Variants in LRP1B observed in about 807,000 individuals in gnomAD.
LRP1B encodes LDL receptor related protein 1B, also known as low-density lipoprotein receptor-related protein 1B.
LRP1B carries 217 observed loss-of-function variants against 556.6 expected under a neutral mutation model. That is an observed-to-expected ratio of 0.39 (90% CI 0.35 to 0.44). The LOEUF is 0.44. Among genes scored for constraint, LRP1B ranks in the 20% least tolerant of loss-of-function variants. LRP1B has a pLI of 1.00. For synonymous variants in LRP1B, 2,047 were observed against 1,865.8 expected (o/e 1.10, Z -2.50); for missense variants, 5,053 against 5,620.8 (o/e 0.90, Z 3.23).
chr2:140,435,500 A>T (rs144620908), intron 66 of LRP1B, among the ~76,000 whole-genome samples: 227 of 152,238 alleles, frequency 1.5e-3, no homozygotes, highest in East Asian at 7.7e-4. Flanking sequence ...TTCTTTTCAA[A>T]CTCAATTATA....
At chr2:140,767,859 G>A (rs976095712) in intron 35 of LRP1B, among the ~76,000 whole-genome samples, 2 of 151,762 alleles carry the variant, frequency 1.3e-5, no homozygotes, top group Admixed American at 1.3e-4. Context: ...ATACATGCAT[G>A]TACTGTATAC....
At chr2:141,657,557 C>T (rs77938862) in intron 2 of LRP1B, among the ~76,000 whole-genome samples, 33,238 of 151,980 alleles carry the variant, frequency 0.22, 4,563 homozygotes, top group East Asian at 0.53. Flanking sequence ...AAGTGAAAGC[C>T]TGTCATCATT....
At chr2:140,749,326 C>G (rs915982252) in intron 35 of LRP1B, among the ~76,000 whole-genome samples, 3 of 151,920 alleles carry the variant, frequency 2.0e-5, no homozygotes. Flanking sequence ...TCTTCAATAA[C>G]AAATTAACCT....
chr2:142,049,301 A>G (rs970810732), intron 1 of LRP1B, among the ~76,000 whole-genome samples: 2 of 152,120 alleles, frequency 1.3e-5, no homozygotes, highest in African/African-American at 4.8e-5. Context: ...AAAAGCACAC[A>G]TCATATTTGT....
chr2:140,561,194 C>T (rs1291541175), intron 43 of LRP1B, among the ~76,000 whole-genome samples: 1 of 152,162 alleles, frequency 6.6e-6, no homozygotes, highest in Non-Finnish European at 1.5e-5. Flanking sequence ...ACTTTTCCCA[C>T]CTCTCTGTCT....
chr2:141,090,900 G>A (rs1700155832), intron 7 of LRP1B, among the ~76,000 whole-genome samples: 1 of 152,022 alleles, frequency 6.6e-6, no homozygotes, highest in Non-Finnish European at 1.5e-5. Context: ...AGATTTGACT[G>A]CAAATATCAA....
intron 60 of LRP1B, among the ~76,000 whole-genome samples, 200 bp from the exon 61 acceptor site, chr2:140,457,851 T>C (rs1428937906): frequency 6.6e-6 from 1 of 152,096 alleles, no homozygotes; most frequent in Non-Finnish European, 1.5e-5. Context: ...TTTGCTCAGA[T>C]TTAGCTTGGT....
intron 17 of LRP1B, among the ~76,000 whole-genome samples, chr2:140,984,615 A>C (rs1696864532): frequency 1.3e-5 from 2 of 152,110 alleles, no homozygotes. Context: ...AAGAACTTCT[A>C]TGAACCTGTC....
At chr2:141,956,002 G>A (rs888713151) in intron 1 of LRP1B, among the ~76,000 whole-genome samples, 10 of 151,866 alleles carry the variant, frequency 6.6e-5, no homozygotes, top group Non-Finnish European at 2.9e-5. Context: ...CCAGGAGTTT[G>A]AGAGCAACCT....
At position 141,579,660 on chromosome 2, in the gene LRP1B, C is replaced by T. The variant is rs1686889476; in HGVS notation, c.206-99127G>A. Among the ~76,000 whole-genome samples the T allele has an allele frequency of 2.7e-5, 4 of 148,512 alleles. No individual in the cohort carries two copies. The South Asian group carries it at 6.4e-4, about 24-fold the overall frequency. ...GGTGTTGAATTTAGTCATTTTCTTT[C>T]TCTATAAATTGTTCTTTGCTTAAGT... On this transcript the variant is annotated intron_variant, in intron 2 of 90. Transcript: ENST00000389484.
chr2:141,960,213 T>C (rs182480029), intron 1 of LRP1B, among the ~76,000 whole-genome samples: 159 of 151,812 alleles, frequency 1.0e-3, no homozygotes, highest in African/African-American at 3.7e-3. Flanking sequence ...GATGAAGACA[T>C]TGGGATCCAA....
At chr2:141,615,975 C>G (rs1688282252) in intron 2 of LRP1B, among the ~76,000 whole-genome samples, 2 of 152,014 alleles carry the variant, frequency 1.3e-5, no homozygotes. Context: ...AAACTGCCAC[C>G]CAAATCCTCG....
chr2:141,899,266 A>C (rs892278199), intron 1 of LRP1B, among the ~76,000 whole-genome samples: 10 of 152,116 alleles, frequency 6.6e-5, no homozygotes, highest in Admixed American at 4.6e-4. Flanking sequence ...GCTCTAATGA[A>C]GATTTAGTTC....
chr2:141,613,205 T>G (rs902231629), intron 2 of LRP1B, among the ~76,000 whole-genome samples: 2 of 152,140 alleles, frequency 1.3e-5, no homozygotes, highest in Non-Finnish European at 2.9e-5. Context: ...TGTTTCTGCC[T>G]ACCTGCTTAT....
intron 55 of LRP1B, among the ~76,000 whole-genome samples, chr2:140,497,563 T>A (rs749288042): frequency 1.6e-4 from 25 of 151,838 alleles, no homozygotes; most frequent in South Asian, 6.2e-4. Context: ...TAATCCCAGA[T>A]TGGCCTAAAA....
intron 83 of LRP1B, among the ~76,000 whole-genome samples, chr2:140,307,909 A>T (rs1480188123): frequency 6.6e-6 from 1 of 151,992 alleles, no homozygotes; most frequent in Non-Finnish European, 1.5e-5. Flanking sequence ...ATTAAGTAAC[A>T]TATCTAAGGA....
intron 86 of LRP1B, chr2:140,269,276 C>T (rs1418824891): frequency 2.3e-5 from 11 of 470,818 alleles, no homozygotes; most frequent in Non-Finnish European, 3.5e-5. Flanking sequence ...ACTTGCATCT[C>T]GGCTCATTAA....
At chr2:140,925,163 T>C (rs1039008854) in intron 20 of LRP1B, among the ~76,000 whole-genome samples, 4 of 152,138 alleles carry the variant, frequency 2.6e-5, no homozygotes, top group African/African-American at 7.2e-5. Flanking sequence ...AACTTGAGCA[T>C]TCTTGAATTT....
intron 3 of LRP1B, among the ~76,000 whole-genome samples, chr2:141,292,497 G>A (rs1686012221): frequency 6.6e-6 from 1 of 152,054 alleles, no homozygotes; most frequent in Non-Finnish European, 1.5e-5. Flanking sequence ...GAATAGAAAA[G>A]CAAGGAAAAG....
Sources: allele counts gnomAD v4.1 joint callset (sites outside exome capture counted in the v4.1 genomes callset), GRCh38; gene constraint gnomAD v4.1.1; transcripts MANE v1.5; gene names NCBI Gene and HGNC (gene_info 2026-07-23, HGNC 2026-07-21).